The following PRDM16 variants were observed in gnomAD, a reference collection of about 807,000 sequenced individuals.
PRDM16 encodes the protein PR/SET domain 16.
Under a neutral mutation model 110.6 loss-of-function variants are expected in PRDM16, and 23 were observed. The ratio of observed to expected loss-of-function variants is 0.21; its 90% CI spans 0.15 to 0.29. The LOEUF (loss-of-function observed/expected upper bound fraction) is 0.29, where lower values mean the gene tolerates loss of function less well. PRDM16 is among the 10% of genes least tolerant of loss of function. The probability of loss-of-function intolerance (pLI) is 1.00; values close to 1 mark genes in which losing one functional copy is unlikely to be tolerated. For missense variants in PRDM16, 1,615 were observed against 1,794.3 expected, an observed-to-expected ratio of 0.90 and a Z score of 1.81; for synonymous variants, 799 against 781.8, an observed-to-expected ratio of 1.02 and a Z score of -0.37.
chr1:3,146,326 A>G (rs1376321346), intron 1 of PRDM16, among the ~76,000 whole-genome samples: 2 of 152,268 alleles, frequency 1.3e-5, no homozygotes, highest in African/African-American at 4.8e-5. Flanking sequence ...ACAACTGGGC[A>G]TGGGGATAAT....
chr1:3,314,512 A>G (rs1259195912), intron 3 of PRDM16, among the ~76,000 whole-genome samples: 1 of 151,988 alleles, frequency 6.6e-6, no homozygotes, highest in Non-Finnish European at 1.5e-5. Flanking sequence ...GCCTCCCCAC[A>G]TAGTTATCCT....
At chr1:3,202,933 G>A (rs749309548) in intron 2 of PRDM16, among the ~76,000 whole-genome samples, 9 of 152,216 alleles carry the variant, frequency 5.9e-5, no homozygotes, top group Admixed American at 2.6e-4. Context: ...GACGAAGAAC[G>A]TGGCGGTTGG....
At chr1:3,408,899 T>G in intron 8 of PRDM16, among the ~76,000 whole-genome samples, 1 of 127,536 alleles carries the variant, frequency 7.8e-6, no homozygotes, top group Non-Finnish European at 1.6e-5. Flanking sequence ...TGAGAGCGCA[T>G]GAGGGTGGGC....
chr1:3,245,939 C>T lies in PRDM16; in HGVS notation c.438+1802C>T, dbSNP rs542407221. 3.3e-5 allele frequency among the ~76,000 whole-genome samples: 5 copies of T among 152,290 alleles called. No homozygotes were observed. The South Asian group carries it at 1.0e-3, about 32-fold the overall frequency. ...ATTTTCAAGACGCCCTCCTTGGCTG[C>T]GCCTCTCCTGAATGCCTCATGGAGG... On this transcript the variant is annotated intron_variant, in intron 3 of 16. Coordinates refer to ENST00000270722, the MANE Select transcript of PRDM16 (RefSeq NM_022114.4). This position sits in a 1 kb window ranked among gnomAD's most constrained non-coding sequence, Gnocchi z 4.7.
chr1:3,367,031 G>A (rs946318867), intron 3 of PRDM16, among the ~76,000 whole-genome samples: 1 of 152,218 alleles, frequency 6.6e-6, no homozygotes, highest in African/African-American at 2.4e-5. Flanking sequence ...ACTCTGGGAG[G>A]CCGAGGCCGG....
chr1:3,430,820 G>T, intron 14 of PRDM16, 52 bp from the exon 15 acceptor site: 1 of 1,598,278 alleles, frequency 6.3e-7, no homozygotes, highest in Non-Finnish European at 8.6e-7. Context: ...GGGGGTCCAT[G>T]GGAAGGACAG....
At chr1:3,114,897 G>C (rs546345255) in intron 1 of PRDM16, among the ~76,000 whole-genome samples, 2 of 152,370 alleles carry the variant, frequency 1.3e-5, no homozygotes, top group South Asian at 4.1e-4. Context: ...TGCAGGATTC[G>C]CACTCAGCCC....
intron 2 of PRDM16, among the ~76,000 whole-genome samples, chr1:3,197,013 C>A (rs1475774278): frequency 1.3e-5 from 2 of 152,172 alleles, no homozygotes; most frequent in African/African-American, 4.8e-5. Context: ...GTGAGCTTCA[C>A]ACCACTGGCT....
intron 9 of PRDM16, 102 bp downstream of exon 9, chr1:3,412,902 TCGTCCC>T: frequency 9.9e-7 from 1 of 1,014,290 alleles, no homozygotes; most frequent in East Asian, 3.1e-5. Flanking sequence ...TCCTCCAAGG[TCGTCCC>T]CCGGCCTTTG....
At chr1:3,231,509 C>T (rs1326375263) in intron 2 of PRDM16, among the ~76,000 whole-genome samples, 3 of 152,186 alleles carry the variant, frequency 2.0e-5, no homozygotes, top group South Asian at 2.1e-4. Context: ...CCAGGGGATG[C>T]GGGGGTCGAG....
intron 3 of PRDM16, among the ~76,000 whole-genome samples, chr1:3,303,673 C>A (rs1355035762): frequency 6.6e-6 from 1 of 152,380 alleles, no homozygotes; most frequent in Middle Eastern, 3.4e-3. Context: ...GGTTCACATT[C>A]CCACCAGTAG....
At chr1:3,366,752 A>G (rs1317498309) in intron 3 of PRDM16, among the ~76,000 whole-genome samples, 1 of 152,158 alleles carries the variant, frequency 6.6e-6, no homozygotes, top group Non-Finnish European at 1.5e-5. Flanking sequence ...TCTCTACTCT[A>G]GGTCAAATGT....
At chr1:3,257,787 A>T (rs914384356) in intron 3 of PRDM16, among the ~76,000 whole-genome samples, 3 of 152,178 alleles carry the variant, frequency 2.0e-5, no homozygotes, top group Non-Finnish European at 4.4e-5. Context: ...AACCAACCAC[A>T]CATCGGAGCC....
chr1:3,399,373 G>A (rs894117828), intron 5 of PRDM16, among the ~76,000 whole-genome samples: 3 of 152,164 alleles, frequency 2.0e-5, no homozygotes, highest in Non-Finnish European at 4.4e-5. Context: ...TTCTTGTACC[G>A]AGAAAGTGAA....
At position 3,243,898 on chromosome 1, in the gene PRDM16, G is replaced by A. The variant is rs140765525; in HGVS notation, c.388-189G>A. Reference sequence around the variant, plus strand: ...GGGGCGCTTGGAGTCCTCGGTGACTGGGGGAGCCTCTGCTGGAAGAAGGGA... The same window carrying A: ...GGGGCGCTTGGAGTCCTCGGTGACTAGGGGAGCCTCTGCTGGAAGAAGGGA... On this transcript the variant is annotated intron_variant, in intron 2 of 16. Transcript: ENST00000270722. The surrounding 1 kb of genome is among the most constrained non-coding windows in gnomAD (Gnocchi z 5.5). Among the ~76,000 whole-genome samples, 481 of 152,258 alleles carry A rather than the reference G, an allele frequency of 3.2e-3. 1 individual carries two copies. Among genetic ancestry groups the A allele is most frequent in the Middle Eastern group, 0.01 (3 of 294 alleles).
In PRDM16 at chr1:3,073,041, C is replaced by T. The variant is rs189713387; in HGVS notation, c.37+3745C>T. On this transcript the variant is annotated intron_variant, in intron 1 of 16. Coordinates refer to ENST00000270722, the MANE Select transcript of PRDM16 (RefSeq NM_022114.4). ...ACCACCAGACGCCCACTCGGGGGGT[C>T]CTCCTTGTCCTGTGAGCGGCTCTTC... 2.9e-3 allele frequency among the ~76,000 whole-genome samples: 440 copies of T among 152,378 alleles called. 16 individuals carry two copies. The highest frequency in any genetic ancestry group is 0.025 in the Admixed American group (387 of 15,312).
chr1:3,414,569 A>T lies in PRDM16; in HGVS notation c.2613A>T (p.Glu871Asp). Reference sequence around the variant, plus strand: ...CTGTGCTGTTGTCCAGCAGGGTAGAAAAGCGGAAGGTCACAGACCCCGTGG... The same window carrying T: ...CTGTGCTGTTGTCCAGCAGGGTAGATAAGCGGAAGGTCACAGACCCCGTGG... Reference protein sequence around the residue: ...FFMDPIYSRVEKRKVTDPVGA... With the variant: ...FFMDPIYSRVDKRKVTDPVGA... The change falls in exon 10 of 17, where the codon GAA becomes GAT. Residue 871 changes from glutamate to aspartate, a missense_variant. Glu to Asp is a conservative substitution (Grantham distance 45, BLOSUM62 2). This residue lies in a region of PRDM16 where 772 missense variants were observed against 748.3 expected (regional missense o/e 1.03). Coordinates refer to ENST00000270722, the MANE Select transcript of PRDM16 (RefSeq NM_022114.4). 6.2e-7 allele frequency: 1 copy of T among 1,613,242 alleles called. No individual in the cohort carries two copies. Among genetic ancestry groups the T allele is most frequent in the East Asian group, 2.2e-5 (1 of 44,864 alleles).
intron 3 of PRDM16, among the ~76,000 whole-genome samples, chr1:3,302,571 G>A (rs1055531650): frequency 6.6e-6 from 1 of 152,098 alleles, no homozygotes; most frequent in East Asian, 1.9e-4. Context: ...AGGTGTGCCT[G>A]GATACATTGT....
rs141860319 is a variant in PRDM16, at chr1:3,246,433, G to A, written c.438+2296G>A. 7.1e-3 allele frequency among the ~76,000 whole-genome samples: 1,086 copies of A among 152,344 alleles called. 14 individuals are homozygous for A. Among genetic ancestry groups the A allele is most frequent in the African/African-American group, 0.024 (995 of 41,588 alleles). The stretch of plus-strand genomic sequence containing the variant: ...GATGCACGAGACCCCCCACGGCACC[G>A]CCGCGACTGCAGGGAGCTCAGCGCA... On this transcript the variant is annotated intron_variant, in intron 3 of 16. Transcript: ENST00000270722. The surrounding 1 kb of genome is among the most constrained non-coding windows in gnomAD (Gnocchi z 5.2).
Sources: gnomAD v4.1 joint callset for allele counts (sites outside exome capture counted in the v4.1 genomes callset) on GRCh38, gnomAD v4.1.1 for gene constraint, gnomAD v4.1.1 regional missense constraint, Gnocchi (gnomAD v3.1) non-coding constraint, MANE v1.5 for transcripts, NCBI Gene and HGNC (gene_info 2026-07-23, HGNC 2026-07-21) for gene names.